DYNC2H1: variants seen among roughly 807,000 people sequenced by gnomAD.
The protein encoded by DYNC2H1 is dynein cytoplasmic 2 heavy chain 1.
DYNC2H1 carries 410 observed loss-of-function variants against 570.0 expected under a neutral mutation model. The observed-to-expected ratio is 0.72, with a 90% CI of 0.66 to 0.78. DYNC2H1 has a LOEUF of 0.78. Among genes scored for constraint, DYNC2H1 ranks in the 30% least tolerant of loss-of-function variants. The probability of loss-of-function intolerance (pLI) is 0.00; values close to 1 mark genes in which losing one functional copy is unlikely to be tolerated. For synonymous variants in DYNC2H1, 1,688 were observed against 1,677.6 expected (o/e 1.01, Z -0.15); for missense variants, 4,865 against 5,046.4 (o/e 0.96, Z 1.09).
At chr11:103,125,598 C>T (rs766679324) in intron 12 of DYNC2H1, among the ~76,000 whole-genome samples, 1 of 152,062 alleles carries the variant, frequency 6.6e-6, no homozygotes, top group East Asian at 1.9e-4. Flanking sequence ...TTAAGGAGTC[C>T]TCTGCCTGCC....
chr11:103,161,186 TTTG>T (rs1158959743), intron 29 of DYNC2H1, 142 bp downstream of exon 29: 1 of 451,980 alleles, frequency 2.2e-6, no homozygotes, highest in Non-Finnish European at 3.9e-6. Context: ...TTAAAAATGA[TTTG>T]TTTTGTTAGT....
chr11:103,115,159 C>G lies in DYNC2H1; in HGVS notation c.503-18C>G, dbSNP rs199660214. The G allele has an allele frequency of 1.1e-5, 18 of 1,565,450 alleles. No homozygotes were observed. The African/African-American group carries it at 2.0e-4, about 18-fold the overall frequency. ...TCTGATATTCTATGCCATTTTTTTC[C>G]CCTCTTGACTTTTATAGGTATCCTT... On this transcript the variant is annotated intron_variant, in intron 3 of 88. Coordinates refer to ENST00000375735, the MANE Select transcript of DYNC2H1 (RefSeq NM_001377.3).
At chr11:103,182,654 T>A (rs766171784) in intron 40 of DYNC2H1, among the ~76,000 whole-genome samples, 1 of 151,914 alleles carries the variant, frequency 6.6e-6, no homozygotes, top group African/African-American at 2.4e-5. Context: ...GAAAAAAGTT[T>A]AGCATGCAAA....
In DYNC2H1 at chr11:103,215,671, T is replaced by TAC. The variant is rs1555071446; in HGVS notation, c.8695-50_8695-49insAC. Reference sequence around the variant, plus strand: ...TCTATAGGGCTTTATTTACTGTGTGTGTAAAATTCCTTTTTTAAAATATTG... The same window carrying TAC: ...TCTATAGGGCTTTATTTACTGTGTGTACGTAAAATTCCTTTTTTAAAATATTG... On this transcript the variant is annotated intron_variant, in intron 54 of 88. Transcript: ENST00000375735. The TAC allele has an allele frequency of 3.7e-6, 5 of 1,348,178 alleles. No individual in the cohort carries two copies. In the East Asian group the frequency reaches 1.3e-4, roughly 36 times the overall value. 83.5% of individuals were successfully genotyped at this position (1,348,178 alleles called of 1,614,324 possible). A position where few individuals can be genotyped will look rare whatever the true frequency, so the allele number is the denominator to read the frequency against.
intron 82 of DYNC2H1, among the ~76,000 whole-genome samples, chr11:103,350,698 T>C (rs1410850314): frequency 6.6e-6 from 1 of 152,128 alleles, no homozygotes; most frequent in African/African-American, 2.4e-5. Context: ...GTGAGGCTGC[T>C]CTTCCAGGCT....
intron 82 of DYNC2H1, among the ~76,000 whole-genome samples, chr11:103,333,749 G>A (rs958296595): frequency 6.6e-5 from 10 of 152,026 alleles, no homozygotes; most frequent in African/African-American, 2.4e-4. Context: ...TATCTTATCT[G>A]TCAAAAATCC....
chr11:103,170,500 A>G lies in DYNC2H1; in HGVS notation c.5151+210A>G, dbSNP rs1861524374. Among the ~76,000 whole-genome samples the G allele has an allele frequency of 6.6e-6, 1 of 152,230 alleles. No homozygotes were observed. The highest frequency in any genetic ancestry group is 1.5e-5 in the Non-Finnish European group (1 of 68,036). On this transcript the variant is annotated intron_variant, in intron 33 of 88. Coordinates refer to ENST00000375735, the MANE Select transcript of DYNC2H1 (RefSeq NM_001377.3). The surrounding 1 kb of genome is among the most constrained non-coding windows in gnomAD (Gnocchi z 4.8). ...AATTATGGCAAAGAAATAATTTTAA[A>G]TACAGAATGAAGATTTATATTACAT... is the stretch of plus-strand genomic sequence containing the variant.
chr11:103,321,388 C>A, intron 81 of DYNC2H1, 151 bp downstream of exon 81: 4 of 921,416 alleles, frequency 4.3e-6, no homozygotes, highest in Non-Finnish European at 6.5e-6. Context: ...TTGATTCTTT[C>A]AACTTTAGTG....
At chr11:103,453,262 A>G (rs1464159764) in intron 85 of DYNC2H1, among the ~76,000 whole-genome samples, 2 of 152,032 alleles carry the variant, frequency 1.3e-5, no homozygotes, top group African/African-American at 4.8e-5. Context: ...TAGTATGCCT[A>G]CGACTTTGTT....
rs1305544316 is a variant in DYNC2H1 at position 103,249,651 on chromosome 11, G to A, written c.10043-3634G>A. Among the ~76,000 whole-genome samples, 6 of 151,920 alleles carry A rather than the reference G, an allele frequency of 3.9e-5. No homozygotes were observed. The highest frequency in any genetic ancestry group is 3.3e-4 in the Admixed American group (5 of 15,192). ...AGATCTGGCCAGATTCTAATAGCTT[G>A]GACTTTGTGTACTCCTGTTGAACAT... On this transcript the variant is annotated intron_variant, in intron 65 of 88. Transcript: ENST00000375735. This position sits in a 1 kb window ranked among gnomAD's most constrained non-coding sequence, Gnocchi z 4.6.
intron 73 of DYNC2H1, among the ~76,000 whole-genome samples, chr11:103,285,616 G>A (rs1001235715): frequency 2.0e-5 from 3 of 151,582 alleles, no homozygotes; most frequent in Admixed American, 2.0e-4. Context: ...GTAGAGATAG[G>A]GTTTCACCAT....
intron 16 of DYNC2H1, 40 bp downstream of exon 16, chr11:103,135,674 T>A (rs1859497977): frequency 6.2e-7 from 1 of 1,607,142 alleles, no homozygotes; most frequent in African/African-American, 1.3e-5. Flanking sequence ...GTTCATTGTA[T>A]AATTTTCTAA....
rs146568298 is a variant in DYNC2H1 at position 103,419,652 on chromosome 11, A to G, written c.12367-16291A>G. ...AAAGGTCAGCAACCTCAAAGATCAA[A>G]GATAGATGAGCCCACAAAGATGAGA... On this transcript the variant is annotated intron_variant, in intron 84 of 88. Coordinates refer to ENST00000375735, the MANE Select transcript of DYNC2H1 (RefSeq NM_001377.3). 3.5e-4 allele frequency among the ~76,000 whole-genome samples: 53 copies of G among 152,272 alleles called. No homozygotes were observed. The East Asian group carries it at 9.3e-3, about 27-fold the overall frequency.
chr11:103,440,784 C>T (rs984669753), intron 85 of DYNC2H1, among the ~76,000 whole-genome samples: 1 of 152,070 alleles, frequency 6.6e-6, no homozygotes, highest in African/African-American at 2.4e-5. Context: ...TCATTGTTTA[C>T]TTCTCTCCTC....
chr11:103,170,381 C>G lies in DYNC2H1; in HGVS notation c.5151+91C>G. ...TATATGAAATACTCTACTTAAAAAT[C>G]ACTACATTTAAATTAGTTGAAGACA... is the stretch of plus-strand genomic sequence containing the variant. On this transcript the variant is annotated intron_variant, in intron 33 of 88. Transcript: ENST00000375735. This position sits in a 1 kb window ranked among gnomAD's most constrained non-coding sequence, Gnocchi z 4.8. 1.6e-6 allele frequency: 2 copies of G among 1,227,404 alleles called. No homozygotes were observed. Among genetic ancestry groups the G allele is most frequent in the Admixed American group, 3.4e-5 (1 of 29,464 alleles). The allele number at this position is 1,227,404 out of a possible 1,614,324, so 76.0% of individuals were successfully genotyped here. A position where few individuals can be genotyped will look rare whatever the true frequency, so the allele number is the denominator to read the frequency against.
rs115273161 is a variant in DYNC2H1 at position 103,191,633 on chromosome 11, G to C, written c.7540+14G>C. 6.5e-7 allele frequency: 1 copy of C among 1,548,502 alleles called. No homozygotes were observed. Among genetic ancestry groups the C allele is most frequent in the South Asian group, 1.2e-5 (1 of 86,672 alleles). ...ATTTAGAAGGAGGTGAGTTTTGCTA[G>C]TGTGTATCTTGTGTGTGTGTGTGTG... On this transcript the variant is annotated intron_variant, in intron 46 of 88. Coordinates refer to ENST00000375735, the MANE Select transcript of DYNC2H1 (RefSeq NM_001377.3).
chr11:103,348,823 G>A lies in DYNC2H1; in HGVS notation c.12040-9420G>A, dbSNP rs1057214702. Among the ~76,000 whole-genome samples, 7 of 152,114 alleles carry A rather than the reference G, an allele frequency of 4.6e-5. No homozygotes were observed. The South Asian group carries it at 8.3e-4, about 18-fold the overall frequency. On this transcript the variant is annotated intron_variant, in intron 82 of 88. Coordinates refer to ENST00000375735, the MANE Select transcript of DYNC2H1 (RefSeq NM_001377.3). ...GTGTCAAGGGAGGGACCTCATGGGA[G>A]GTGATTAGATTATGGGAGGCAGTTT...
Position 103,252,107 on chromosome 11 carries a change from T to TC in DYNC2H1, c.10043-1178_10043-1177insC, listed in dbSNP as rs1252950971. 2.6e-5 allele frequency among the ~76,000 whole-genome samples: 4 copies of TC among 151,980 alleles called. No individual in the cohort carries two copies. The highest frequency in any genetic ancestry group is 9.7e-5 in the African/African-American group (4 of 41,400). On this transcript the variant is annotated intron_variant, in intron 65 of 88. Coordinates refer to ENST00000375735, the MANE Select transcript of DYNC2H1 (RefSeq NM_001377.3). This position sits in a 1 kb window ranked among gnomAD's most constrained non-coding sequence, Gnocchi z 4.6. ...GCCCAGCTAATTAAAAACATTTTTT[T>TC]TTTTTTTTGCAAAGACGAGGTCTCA...
rs554278062 is a variant in DYNC2H1 at position 103,271,453 on chromosome 11, A to G, written c.10696-8895A>G. On this transcript the variant is annotated intron_variant, in intron 70 of 88. Coordinates refer to ENST00000375735, the MANE Select transcript of DYNC2H1 (RefSeq NM_001377.3). ...TGAGCTTAAAGCATGACTTCTCTTC[A>G]CAAGGTAACATTTCTTTTATACTTT... Among the ~76,000 whole-genome samples, 9 of 152,342 alleles carry G rather than the reference A, an allele frequency of 5.9e-5. No homozygotes were observed. In the South Asian group the frequency reaches 1.9e-3, roughly 32 times the overall value.
Sources: allele counts gnomAD v4.1 joint callset (sites outside exome capture counted in the v4.1 genomes callset), GRCh38; gene constraint gnomAD v4.1.1; non-coding constraint Gnocchi (gnomAD v3.1); transcripts MANE v1.5; gene names NCBI Gene and HGNC (gene_info 2026-07-23, HGNC 2026-07-21).